Variants in MPPED2 observed in about 807,000 individuals in gnomAD.
MPPED2 encodes the protein metallophosphoesterase domain containing 2.
In MPPED2, 5 loss-of-function variants were observed where a neutral mutation model predicts 33.0. The observed-to-expected ratio is 0.15, with a 90% confidence interval of 0.08 to 0.32. The LOEUF (loss-of-function observed/expected upper bound fraction) is 0.32, where lower values mean the gene tolerates loss of function less well. Ranked by LOEUF, MPPED2 falls within the 10% of genes least tolerant of loss-of-function variation. The probability of loss-of-function intolerance (pLI) is 1.00; values close to 1 mark genes in which losing one functional copy is unlikely to be tolerated. For missense variants in MPPED2, 275 were observed against 372.1 expected (o/e 0.74, Z 2.15); for synonymous variants, 136 against 141.9 (o/e 0.96, Z 0.29).
intron 2 of MPPED2, among the ~76,000 whole-genome samples, chr11:30,563,917 G>A (rs1956335981): frequency 6.6e-6 from 1 of 152,118 alleles, no homozygotes; most frequent in South Asian, 2.1e-4. Context: ...ACTTGTGCTG[G>A]GAAATTGATG....
chr11:30,494,753 A>AAG (rs1952163555), intron 4 of MPPED2, among the ~76,000 whole-genome samples: 3 of 146,962 alleles, frequency 2.0e-5, no homozygotes, highest in East Asian at 1.9e-4. Context: ...AAAAAAAAAA[A>AAG]AAAAAAAGAA....
chr11:30,545,893 C>T (rs1447996052), intron 2 of MPPED2, among the ~76,000 whole-genome samples: 3 of 152,138 alleles, frequency 2.0e-5, no homozygotes, highest in Non-Finnish European at 2.9e-5. Flanking sequence ...GACAGAGTCT[C>T]GCTCTTGTCG....
chr11:30,580,128 G>A, intron 2 of MPPED2, 118 bp downstream of exon 2: 2 of 1,004,814 alleles, frequency 2.0e-6, no homozygotes, highest in South Asian at 1.7e-5. Flanking sequence ...ATATCCATCT[G>A]ATTTGTAAAT....
At chr11:30,412,686 T>C (rs1948163087) in intron 6 of MPPED2, among the ~76,000 whole-genome samples, 1 of 152,126 alleles carries the variant, frequency 6.6e-6, no homozygotes, top group African/African-American at 2.4e-5. Flanking sequence ...CATCAAGAGG[T>C]TGGTATTTGC....
At chr11:30,545,170 G>C (rs147642135) in intron 2 of MPPED2, among the ~76,000 whole-genome samples, 51 of 152,290 alleles carry the variant, frequency 3.3e-4, no homozygotes, top group African/African-American at 1.2e-3. Context: ...CCAGTAAGAG[G>C]AACAGAGGGC....
chr11:30,553,621 T>C (rs794933), intron 2 of MPPED2, among the ~76,000 whole-genome samples: 142,578 of 152,302 alleles, frequency 0.94, 66,760 homozygotes, highest in East Asian at 0.97. Context: ...CCTGTTAAAA[T>C]AAGATTGAGA....
At chr11:30,511,843 C>T (rs2134310447) in intron 3 of MPPED2, among the ~76,000 whole-genome samples, 1 of 152,258 alleles carries the variant, frequency 6.6e-6, no homozygotes, top group East Asian at 1.9e-4. Flanking sequence ...TACTAATGGT[C>T]TAATGTTGAA....
At chr11:30,526,485 A>G (rs1954184984) in intron 3 of MPPED2, among the ~76,000 whole-genome samples, 1 of 152,176 alleles carries the variant, frequency 6.6e-6, no homozygotes, top group Non-Finnish European at 1.5e-5. Flanking sequence ...GTTTTTGTGA[A>G]CAAGCTAAAG....
At chr11:30,433,795 A>G (rs756581242) in intron 4 of MPPED2, among the ~76,000 whole-genome samples, 8 of 152,156 alleles carry the variant, frequency 5.3e-5, no homozygotes, top group Non-Finnish European at 7.4e-5. Context: ...ACTCTATCCT[A>G]GTATATTGGT....
At chr11:30,466,602 CA>C (rs1950716177) in intron 4 of MPPED2, among the ~76,000 whole-genome samples, 1 of 152,154 alleles carries the variant, frequency 6.6e-6, no homozygotes, top group Non-Finnish European at 1.5e-5. Context: ...GGGCTGAATG[CA>C]AAGAGCAAAG....
intron 2 of MPPED2, among the ~76,000 whole-genome samples, chr11:30,563,385 T>C (rs1956313912): frequency 6.6e-6 from 1 of 152,174 alleles, no homozygotes; most frequent in Non-Finnish European, 1.5e-5. Flanking sequence ...TTTGGGCTCC[T>C]ATCAGAATCT....
At chr11:30,451,805 C>T in intron 4 of MPPED2, 2 of 985,364 alleles carry the variant, frequency 2.0e-6, no homozygotes, top group Non-Finnish European at 2.4e-6. Flanking sequence ...CGAATGACTG[C>T]AGATTAATTT....
intron 2 of MPPED2, among the ~76,000 whole-genome samples, chr11:30,568,487 T>C (rs987321010): frequency 6.6e-6 from 1 of 152,198 alleles, no homozygotes; most frequent in Non-Finnish European, 1.5e-5. Flanking sequence ...TATCTGTTTA[T>C]AACATGGCAC....
At chr11:30,541,749 C>T (rs1393582757) in intron 2 of MPPED2, among the ~76,000 whole-genome samples, 2 of 152,138 alleles carry the variant, frequency 1.3e-5, no homozygotes, top group Non-Finnish European at 2.9e-5. Context: ...TGCGCCACCA[C>T]GCCTGGCTAA....
chr11:30,442,369 G>A (rs1949616959), intron 4 of MPPED2, among the ~76,000 whole-genome samples: 1 of 152,210 alleles, frequency 6.6e-6, no homozygotes, highest in East Asian at 1.9e-4. Context: ...AAAAGCAATA[G>A]GGGAAGCTTT....
chr11:30,553,025 C>A (rs749473287), intron 2 of MPPED2, among the ~76,000 whole-genome samples: 3 of 152,126 alleles, frequency 2.0e-5, no homozygotes, highest in Non-Finnish European at 4.4e-5. Flanking sequence ...ACAGGCCCGG[C>A]CACCCACGGT....
At chr11:30,503,231 A>G (rs1231800290) in intron 3 of MPPED2, among the ~76,000 whole-genome samples, 1 of 152,138 alleles carries the variant, frequency 6.6e-6, no homozygotes, top group Non-Finnish European at 1.5e-5. Context: ...ATGTGAAGAA[A>G]GACGTGTAGG....
At chr11:30,438,171 C>T (rs979061581) in intron 4 of MPPED2, among the ~76,000 whole-genome samples, 6 of 152,032 alleles carry the variant, frequency 3.9e-5, no homozygotes, top group African/African-American at 1.2e-4. Context: ...CAGAGATGAC[C>T]AAGAAATGAC....
intron 4 of MPPED2, among the ~76,000 whole-genome samples, chr11:30,478,319 T>C (rs1255789289): frequency 6.6e-6 from 1 of 152,078 alleles, no homozygotes; most frequent in African/African-American, 2.4e-5. Flanking sequence ...AATAACTATA[T>C]ATTGTTTAGA....
Sources: gnomAD v4.1 joint callset for allele counts (sites outside exome capture counted in the v4.1 genomes callset) on GRCh38, gnomAD v4.1.1 for gene constraint, MANE v1.5 for transcripts, NCBI Gene and HGNC (gene_info 2026-07-23, HGNC 2026-07-21) for gene names.